The following CD36 variants were observed in gnomAD, a reference collection of about 807,000 sequenced individuals.
CD36 encodes platelet glycoprotein 4.
Under a neutral mutation model 55.2 loss-of-function variants are expected in CD36, and 119 were observed. That is an observed-to-expected ratio of 2.15 (90% CI 1.86 to 2.51). The LOEUF is 2.51. Among genes scored for constraint, CD36 ranks in the 30% most tolerant of loss-of-function variants. The pLI is 0.00. For synonymous variants in CD36, 186 were observed against 193.6 expected, an observed-to-expected ratio of 0.96 and a Z score of 0.33; for missense variants, 819 against 555.5, an observed-to-expected ratio of 1.47 and a Z score of -4.77.
chr7:80,646,281 T>G, intron 2 of CD36, 100 bp downstream of exon 2: 1 of 198,528 alleles, frequency 5.0e-6, no homozygotes, highest in Non-Finnish European at 1.1e-5. Flanking sequence ...CCAGAAGGGG[T>G]GTGGAAGGTT....
chr7:80,653,371 T>A (rs946376364), intron 3 of CD36, among the ~76,000 whole-genome samples: 5 of 152,232 alleles, frequency 3.3e-5, no homozygotes, highest in Admixed American at 6.5e-5. Flanking sequence ...TGCTGTTGCA[T>A]GAAAACAGTA....
chr7:80,606,820 A>C (rs919736626), intron 1 of CD36, among the ~76,000 whole-genome samples: 25 of 152,264 alleles, frequency 1.6e-4, no homozygotes, highest in African/African-American at 5.5e-4. Context: ...ACCCTCTCTG[A>C]AATTGGGGGA....
At chr7:80,671,228 C>A in intron 10 of CD36, 64 bp downstream of exon 10, 1 of 1,113,784 alleles carries the variant, frequency 9.0e-7, no homozygotes, top group Admixed American at 1.8e-5. Context: ...AAGATGAGAA[C>A]TTTACCATAA....
chr7:80,672,054 T>C lies in CD36; in HGVS notation c.1125+14T>C. The C allele has an allele frequency of 6.3e-7, 1 of 1,589,238 alleles. No homozygotes were observed. The highest frequency in any genetic ancestry group is 8.6e-7 in the Non-Finnish European group (1 of 1,159,984). ...GATATTGAACCTGTAAGAAAACACC[T>C]TATTGATCTGATTTGGTTGATATTT... On this transcript the variant is annotated intron_variant, in intron 11 of 14. Transcript: ENST00000447544.
At chr7:80,646,245 AC>A (rs982440426) in intron 2 of CD36, 64 bp downstream of exon 2, 1 of 173,672 alleles carries the variant, frequency 5.8e-6, no homozygotes, top group African/African-American at 2.4e-5. Flanking sequence ...ACATCAGTCA[AC>A]CCACATTCTG....
At chr7:80,655,613 C>T (rs1403898368) in intron 3 of CD36, among the ~76,000 whole-genome samples, 2 of 152,206 alleles carry the variant, frequency 1.3e-5, no homozygotes, top group Non-Finnish European at 2.9e-5. Flanking sequence ...ATGAGTGAGG[C>T]TGTTGTAATT....
rs1349207407 is a variant in CD36 at position 80,678,173 on chromosome 7, G to T, written c.*1790G>T. On this transcript the variant is annotated 3_prime_UTR_variant, in exon 15 of 15. Coordinates refer to ENST00000447544, the MANE Select transcript of CD36 (RefSeq NM_001001548.3). ...GGGAATATGTTACATGTGTGACTTTGTTTTGCCCTGGCGAAGTTAATGTTG... is the reference window on the plus strand; with the variant it reads ...GGGAATATGTTACATGTGTGACTTTTTTTTGCCCTGGCGAAGTTAATGTTG... 6.6e-6 allele frequency: 1 copy of T among 151,932 alleles called. No homozygotes were observed. The highest frequency in any genetic ancestry group is 2.4e-5 in the African/African-American group (1 of 41,350). The allele number at this position is 151,932 out of a possible 1,614,324, so 9.4% of individuals were successfully genotyped here. A position where few individuals can be genotyped will look rare whatever the true frequency, so the allele number is the denominator to read the frequency against.
chr7:80,632,950 CG>C (rs939997265), intron 1 of CD36, among the ~76,000 whole-genome samples: 1 of 151,748 alleles, frequency 6.6e-6, no homozygotes, highest in African/African-American at 2.4e-5. Flanking sequence ...TTTTTCTCAA[CG>C]TTTAAAAAAC....
chr7:80,663,956 A>T (rs1051031616), intron 6 of CD36, among the ~76,000 whole-genome samples: 4 of 149,650 alleles, frequency 2.7e-5, no homozygotes, highest in African/African-American at 1.0e-4. Flanking sequence ...CAATACTCAT[A>T]GCTCTTTCTT....
At chr7:80,621,552 C>T (rs1466328914) in intron 1 of CD36, among the ~76,000 whole-genome samples, 1 of 151,990 alleles carries the variant, frequency 6.6e-6, no homozygotes, top group Admixed American at 6.6e-5. Context: ...AGTTGTCTCA[C>T]ATGTGAGGGA....
chr7:80,671,038 G>A lies in CD36; in HGVS notation c.880G>A (p.Val294Ile), dbSNP rs142879856. ...GAAAGGAATCCCTGTGTATAGATTT[G>A]TTCTTCCATCCAAGGCCTTTGCCTC... ...NLKGIPVYRFVLPSKAFASPV... is the reference protein window; with the variant it reads ...NLKGIPVYRFILPSKAFASPV... Residue 294 changes from valine (V) to isoleucine (I), a missense_variant, in exon 10 of 15, where the codon GTT becomes ATT. Transcript: ENST00000447544. 1 of 1,613,080 alleles carries A rather than the reference G, an allele frequency of 6.2e-7. No individual in the cohort carries two copies.
At chr7:80,658,949 T>C (rs1796309507) in intron 4 of CD36, among the ~76,000 whole-genome samples, 1 of 152,270 alleles carries the variant, frequency 6.6e-6, no homozygotes, top group Non-Finnish European at 1.5e-5. Flanking sequence ...TAGATATATT[T>C]GGTTTGCTTA....
intron 1 of CD36, among the ~76,000 whole-genome samples, chr7:80,639,430 G>A (rs1473050321): frequency 6.6e-6 from 1 of 151,324 alleles, no homozygotes. Context: ...ATTTTTTTTC[G>A]ATTCAGGAAG....
At chr7:80,649,470 G>A (rs1015519958) in intron 3 of CD36, among the ~76,000 whole-genome samples, 3 of 132,422 alleles carry the variant, frequency 2.3e-5, no homozygotes, top group African/African-American at 8.4e-5. Context: ...AAGGCACACT[G>A]GTCTGGCATG....
chr7:80,616,457 G>GCA (rs149005116), intron 1 of CD36, among the ~76,000 whole-genome samples: 2,180 of 148,184 alleles, frequency 0.015, 32 homozygotes, highest in African/African-American at 0.037. Context: ...GTGCCTGCAC[G>GCA]CACACACACA....
intron 6 of CD36, 52 bp downstream of exon 6, chr7:80,663,221 C>A (rs762295437): frequency 2.1e-6 from 3 of 1,428,586 alleles, no homozygotes; most frequent in South Asian, 1.1e-5. Flanking sequence ...TTAATTAATT[C>A]AATGGCATTG....
chr7:80,613,698 G>T (rs1030945632), intron 1 of CD36, among the ~76,000 whole-genome samples: 2 of 152,104 alleles, frequency 1.3e-5, no homozygotes, highest in African/African-American at 2.4e-5. Flanking sequence ...GGGCCTAAGA[G>T]ATGGGGTTTA....
chr7:80,656,669 C>G lies in CD36; in HGVS notation c.250C>G (p.Gln84Glu). ...AGTGATGATGAACAGCAGCAACATT[C>G]AAGTTAAGCAAAGAGGTCCTTATAC... Reference protein sequence around the residue: ...QEVMMNSSNIQVKQRGPYTYR... With the variant: ...QEVMMNSSNIEVKQRGPYTYR... The change falls in exon 4 of 15, where the codon CAA (glutamine) becomes GAA (glutamate). Residue 84 changes from glutamine (Q) to glutamate (E), a missense_variant. Physicochemically the swap from Gln to Glu is conservative, Grantham distance 29. Transcript: ENST00000447544. 1 of 1,613,652 alleles carries G rather than the reference C, an allele frequency of 6.2e-7. No individual in the cohort carries two copies. The highest frequency in any genetic ancestry group is 8.5e-7 in the Non-Finnish European group (1 of 1,179,728).
intron 8 of CD36, among the ~76,000 whole-genome samples, chr7:80,667,753 T>G (rs1035935092): frequency 2.6e-4 from 29 of 112,960 alleles, no homozygotes; most frequent in East Asian, 2.4e-3. Flanking sequence ...TTTTGTTTTT[T>G]TTTTTTTTTT....
Sources: gnomAD v4.1 joint callset for allele counts (sites outside exome capture counted in the v4.1 genomes callset) on GRCh38, gnomAD v4.1.1 for gene constraint, MANE v1.5 for transcripts, NCBI Gene and HGNC (gene_info 2026-07-23, HGNC 2026-07-21) for gene names.